Variants in PIK3R5 observed in about 807,000 individuals in gnomAD.
PIK3R5 encodes phosphoinositide 3-kinase regulatory subunit 5.
In PIK3R5, 32 loss-of-function variants were observed where a neutral mutation model predicts 94.9. The ratio of observed to expected loss-of-function variants is 0.34; its 90% CI spans 0.25 to 0.45. The LOEUF is 0.45. PIK3R5 is among the 20% of genes least tolerant of loss of function. The pLI is 1.00. For missense variants in PIK3R5, 853 were observed against 1,144.6 expected, an observed-to-expected ratio of 0.75 and a Z score of 3.68; for synonymous variants, 443 against 479.4, an observed-to-expected ratio of 0.92 and a Z score of 0.99.
chr17:8,909,532 C>T lies in PIK3R5; in HGVS notation c.104-358G>A, dbSNP rs1457508425. On this transcript the variant is annotated intron_variant, in intron 2 of 18. Transcript: ENST00000447110. This position sits in a 1 kb window ranked among gnomAD's most constrained non-coding sequence, Gnocchi z 4.3. Reference sequence around the variant, plus strand: ...TCGATCTCCTGACCTCGTGATCCGCCCGCCTCGGACTCCCAAAGTGCTGGG... The same window carrying T: ...TCGATCTCCTGACCTCGTGATCCGCTCGCCTCGGACTCCCAAAGTGCTGGG... Among the ~76,000 whole-genome samples the T allele has an allele frequency of 6.6e-6, 1 of 152,222 alleles. No individual in the cohort carries two copies. The highest frequency in any genetic ancestry group is 1.5e-5 in the Non-Finnish European group (1 of 68,048).
chr17:8,890,789 C>T lies in PIK3R5; in HGVS notation c.606G>A (p.Gln202=), dbSNP rs1430048253. The T allele has an allele frequency of 7.4e-6, 12 of 1,612,750 alleles. No homozygotes were observed. The highest frequency in any genetic ancestry group is 1.3e-5 in the African/African-American group (1 of 74,932). ...AYTTLLLHAF[Q]ATFGAHCDVP... is the part of the protein sequence containing the mutation. ...CGTCACAGTGGGCCCCAAAGGTGGC[C>T]TGGAAGGCGTGCAGGAGCAGGGTGG... Residue 202 remains glutamine, a synonymous_variant, in exon 7 of 19, where the codon CAG becomes CAA. Coordinates refer to ENST00000447110, the MANE Select transcript of PIK3R5 (RefSeq NM_001142633.3). This position sits in a 1 kb window ranked among gnomAD's most constrained non-coding sequence, Gnocchi z 6.1.
In PIK3R5 at chr17:8,925,608, C is replaced by A. The variant is rs1007986087; in HGVS notation, c.-13-14101G>T. On this transcript the variant is annotated intron_variant, in intron 1 of 18. Transcript: ENST00000447110. This position sits in a 1 kb window ranked among gnomAD's most constrained non-coding sequence, Gnocchi z 5.1. ...ACATGCATACAATCCAAACTGAAAC[C>A]AACACTGACAAGCCAGAATGAGGGA... Among the ~76,000 whole-genome samples, 1 of 152,020 alleles carries A rather than the reference C, an allele frequency of 6.6e-6. No homozygotes were observed. Among genetic ancestry groups the A allele is most frequent in the African/African-American group, 2.4e-5 (1 of 41,394 alleles).
chr17:8,962,694 A>T (rs1359819283), intron 1 of PIK3R5, among the ~76,000 whole-genome samples: 1 of 152,276 alleles, frequency 6.6e-6, no homozygotes, highest in African/African-American at 2.4e-5. Context: ...GGAAGATGCC[A>T]TAAACAGTAA....
At chr17:8,912,349 C>T (rs1179985183) in intron 1 of PIK3R5, 2 of 152,272 alleles carry the variant, frequency 1.3e-5, no homozygotes, top group Non-Finnish European at 2.9e-5. Flanking sequence ...ATCCGACGGA[C>T]TTACACTCAA....
At chr17:8,887,272 ATCC>A in intron 11 of PIK3R5, 51 bp from the exon 12 acceptor site, 1 of 1,607,378 alleles carries the variant, frequency 6.2e-7, no homozygotes, top group Non-Finnish European at 8.5e-7. Flanking sequence ...AGGCCTGCCC[ATCC>A]TAGCTCCAGG....
chr17:8,902,814 A>G (rs1470123462), intron 5 of PIK3R5, among the ~76,000 whole-genome samples: 2 of 150,428 alleles, frequency 1.3e-5, no homozygotes, highest in African/African-American at 2.4e-5. Context: ...TTATGTTTGC[A>G]TTAGAACTCT....
rs2089929514 is a variant in PIK3R5 at position 8,888,310 on chromosome 17, G to A, written c.1477C>T (p.Leu493=). 4 of 1,613,026 alleles carry A rather than the reference G, an allele frequency of 2.5e-6. No homozygotes were observed. The African/African-American group carries it at 5.3e-5, about 22-fold the overall frequency. The change falls in exon 10 of 19, where the codon CTG becomes TTG. Residue 493 remains leucine, a synonymous_variant. Coordinates refer to ENST00000447110, the MANE Select transcript of PIK3R5 (RefSeq NM_001142633.3). This position sits in a 1 kb window ranked among gnomAD's most constrained non-coding sequence, Gnocchi z 7.8. The part of the protein sequence containing the change: ...KLGTQLPSWL[L]APASRPQRRR... ...CGCTGGGGGCGTGAAGCAGGGGCCA[G>A]AAGCCAGCTGGGCAGCTGGGTACCG...
intron 5 of PIK3R5, among the ~76,000 whole-genome samples, chr17:8,897,737 C>A (rs542237454): frequency 2.0e-5 from 3 of 152,196 alleles, no homozygotes; most frequent in Non-Finnish European, 4.4e-5. Flanking sequence ...CCCTCACCTC[C>A]TTCTTTCTGT....
intron 1 of PIK3R5, among the ~76,000 whole-genome samples, chr17:8,919,639 G>A (rs62067973): frequency 0.28 from 42,270 of 152,058 alleles, 6,633 homozygotes; most frequent in Non-Finnish European, 0.35. Flanking sequence ...CCAGATCTCC[G>A]TGCCCAGTTT....
chr17:8,894,524 C>T (rs569737514), intron 5 of PIK3R5, among the ~76,000 whole-genome samples: 6 of 152,308 alleles, frequency 3.9e-5, no homozygotes, highest in Middle Eastern at 3.4e-3. Context: ...TCTCCCAGCC[C>T]GCATCCCCTT....
At position 8,935,036 on chromosome 17, in the gene PIK3R5, T is replaced by C. The variant is rs191588036; in HGVS notation, c.-13-23529A>G. ...CATGTTCCCCTGTTTCTGATGTGGA[T>C]CTTAATATGCATTCTTCTGTCTTCC... On this transcript the variant is annotated intron_variant, in intron 1 of 18. Coordinates refer to ENST00000447110, the MANE Select transcript of PIK3R5 (RefSeq NM_001142633.3). The surrounding 1 kb of genome is among the most constrained non-coding windows in gnomAD (Gnocchi z 4.5). Among the ~76,000 whole-genome samples the C allele has an allele frequency of 3.3e-5, 5 of 152,150 alleles. No homozygotes were observed. Among genetic ancestry groups the C allele is most frequent in the Admixed American group, 2.6e-4 (4 of 15,280 alleles).
Position 8,890,692 on chromosome 17 carries a change from T to G in PIK3R5, c.657+46A>C, listed in dbSNP as rs61759652. On this transcript the variant is annotated intron_variant, in intron 7 of 18. Coordinates refer to ENST00000447110, the MANE Select transcript of PIK3R5 (RefSeq NM_001142633.3). This position sits in a 1 kb window ranked among gnomAD's most constrained non-coding sequence, Gnocchi z 6.1. ...GATGAAGCAGGGAGAGGGTGCTACCTCCTCAGAGAGGTGCTCCACCAGAGC... is the reference window on the plus strand; with the variant it reads ...GATGAAGCAGGGAGAGGGTGCTACCGCCTCAGAGAGGTGCTCCACCAGAGC... 30 of 1,523,398 alleles carry G rather than the reference T, an allele frequency of 2.0e-5. No individual in the cohort carries two copies. The highest frequency in any genetic ancestry group is 2.5e-5 in the Non-Finnish European group (28 of 1,119,992). The allele number at this position is 1,523,398 out of a possible 1,614,324, so 94.4% of individuals were successfully genotyped here.
At chr17:8,960,455 G>C (rs950886219) in intron 1 of PIK3R5, among the ~76,000 whole-genome samples, 2 of 152,218 alleles carry the variant, frequency 1.3e-5, no homozygotes, top group Non-Finnish European at 2.9e-5. Flanking sequence ...TGAGTTCCAC[G>C]GGGCAGGAAC....
chr17:8,923,377 C>T (rs1003419931), intron 1 of PIK3R5, among the ~76,000 whole-genome samples: 34 of 152,234 alleles, frequency 2.2e-4, no homozygotes, highest in African/African-American at 6.5e-4. Context: ...TGGCAGGCAC[C>T]GTTCTAGGTG....
At chr17:8,922,594 C>T (rs1453994667) in intron 1 of PIK3R5, among the ~76,000 whole-genome samples, 1 of 152,084 alleles carries the variant, frequency 6.6e-6, no homozygotes, top group African/African-American at 2.4e-5. Context: ...TGTACTGTTT[C>T]GTCTCAGTGT....
chr17:8,931,330 G>T (rs2090984063), intron 1 of PIK3R5, among the ~76,000 whole-genome samples: 1 of 152,152 alleles, frequency 6.6e-6, no homozygotes, highest in African/African-American at 2.4e-5. Flanking sequence ...TTCACCATCA[G>T]ATGAGAAGGG....
In PIK3R5 at chr17:8,913,089, C is replaced by T. The variant is rs371794122; in HGVS notation, c.-13-1582G>A. ...CACTGAGCAATGGAGCAAACAAAGA[C>T]GTGATTCCAAGAAGTGAAACATGCT... On this transcript the variant is annotated intron_variant, in intron 1 of 18. Transcript: ENST00000447110. Among the ~76,000 whole-genome samples the T allele has an allele frequency of 1.3e-3, 202 of 152,308 alleles. 1 individual carries two copies. Among genetic ancestry groups the T allele is most frequent in the Non-Finnish European group, 2.4e-3 (160 of 68,032 alleles).
At chr17:8,887,275 C>G in intron 11 of PIK3R5, 54 bp from the exon 12 acceptor site, 1 of 1,606,126 alleles carries the variant, frequency 6.2e-7, no homozygotes, top group Non-Finnish European at 8.5e-7. Flanking sequence ...CCTGCCCATC[C>G]TAGCTCCAGG....
At chr17:8,912,853 C>T (rs1597397650) in intron 1 of PIK3R5, among the ~76,000 whole-genome samples, 1 of 152,252 alleles carries the variant, frequency 6.6e-6, no homozygotes, top group Non-Finnish European at 1.5e-5. Context: ...AAACTAAGCC[C>T]TTTGTGAGCT....
Sources: allele counts gnomAD v4.1 joint callset (sites outside exome capture counted in the v4.1 genomes callset), GRCh38; gene constraint gnomAD v4.1.1; non-coding constraint Gnocchi (gnomAD v3.1); transcripts MANE v1.5; gene names NCBI Gene and HGNC (gene_info 2026-07-23, HGNC 2026-07-21).